The following GABRB1 variants were observed in gnomAD, a reference collection of about 807,000 sequenced individuals.
GABRB1 encodes gamma-aminobutyric acid receptor subunit beta-1.
Under a neutral mutation model 51.6 loss-of-function variants are expected in GABRB1, and 17 were observed. The ratio of observed to expected loss-of-function variants is 0.33; its 90% confidence interval spans 0.23 to 0.49. The LOEUF (loss-of-function observed/expected upper bound fraction) is 0.49, where lower values mean the gene tolerates loss of function less well. Among genes scored for constraint, GABRB1 ranks in the 20% least tolerant of loss-of-function variants. The probability of loss-of-function intolerance (pLI) is 0.99; values close to 1 mark genes in which losing one functional copy is unlikely to be tolerated. For missense variants in GABRB1, 410 were observed against 600.6 expected, an observed-to-expected ratio of 0.68 and a Z score of 3.32; for synonymous variants, 247 against 218.9, an observed-to-expected ratio of 1.13 and a Z score of -1.14.
At chr4:47,371,092 C>T (rs1197664756) in intron 5 of GABRB1, among the ~76,000 whole-genome samples, 1 of 114,626 alleles carries the variant, frequency 8.7e-6, no homozygotes, top group African/African-American at 3.4e-5. Context: ...CCCTCCCCCA[C>T]CCCCACCCTG....
chr4:47,252,226 G>C (rs144287070), intron 4 of GABRB1, among the ~76,000 whole-genome samples: 3 of 151,872 alleles, frequency 2.0e-5, no homozygotes, highest in South Asian at 4.1e-4. Context: ...TTTCTCTTGG[G>C]TCTCTAAATT....
chr4:47,089,173 G>T (rs113582261), intron 3 of GABRB1, among the ~76,000 whole-genome samples: 1 of 152,158 alleles, frequency 6.6e-6, no homozygotes, highest in East Asian at 1.9e-4. Flanking sequence ...AATGTTTTTC[G>T]TTTTGGGGAT....
At chr4:47,324,568 C>G (rs1465519514) in intron 5 of GABRB1, among the ~76,000 whole-genome samples, 1 of 152,176 alleles carries the variant, frequency 6.6e-6, no homozygotes, top group Admixed American at 6.5e-5. Context: ...TCCTTTCAAC[C>G]CACTGCAATC....
intron 3 of GABRB1, among the ~76,000 whole-genome samples, chr4:47,123,756 T>A (rs1301674789): frequency 2.2e-5 from 2 of 89,546 alleles, no homozygotes; most frequent in Non-Finnish European, 3.9e-5. Context: ...ATATAATATA[T>A]TATAATATAT....
At chr4:47,420,655 C>T (rs574031075) in intron 8 of GABRB1, among the ~76,000 whole-genome samples, 1 of 152,208 alleles carries the variant, frequency 6.6e-6, no homozygotes. Flanking sequence ...TTCTTGCTCC[C>T]TCTGATGATA....
chr4:47,279,081 G>T (rs1400584934), intron 4 of GABRB1, among the ~76,000 whole-genome samples: 2 of 128,492 alleles, frequency 1.6e-5, no homozygotes, highest in Non-Finnish European at 3.3e-5. Context: ...CTCTTTCTTA[G>T]GAATGGATGG....
At chr4:46,999,874 C>T (rs1384469247) in intron 1 of GABRB1, among the ~76,000 whole-genome samples, 2 of 152,140 alleles carry the variant, frequency 1.3e-5, no homozygotes, top group African/African-American at 4.8e-5. Context: ...CACATGGGAC[C>T]CATGAGGAGG....
chr4:47,111,307 A>G (rs1715199950), intron 3 of GABRB1, among the ~76,000 whole-genome samples: 1 of 152,124 alleles, frequency 6.6e-6, no homozygotes, highest in Admixed American at 6.5e-5. Flanking sequence ...GTGTCCAACT[A>G]AGGAATGTAA....
chr4:47,404,334 C>T (rs978679870), intron 7 of GABRB1, among the ~76,000 whole-genome samples: 15 of 152,062 alleles, frequency 9.9e-5, no homozygotes, highest in African/African-American at 3.6e-4. Context: ...TTGCTGAAAG[C>T]TGACAGGCTA....
At chr4:47,184,541 T>C (rs952781539) in intron 4 of GABRB1, among the ~76,000 whole-genome samples, 1 of 151,936 alleles carries the variant, frequency 6.6e-6, no homozygotes, top group Non-Finnish European at 1.5e-5. Context: ...AGCACTACAC[T>C]GAACTAATGT....
intron 1 of GABRB1, among the ~76,000 whole-genome samples, chr4:47,019,400 G>T (rs549687094): frequency 5.4e-4 from 82 of 151,678 alleles, no homozygotes; most frequent in South Asian, 1.9e-3. Flanking sequence ...CAATATTATT[G>T]AAATTATGCA....
At chr4:47,421,387 TA>T (rs1676223575) in intron 8 of GABRB1, among the ~76,000 whole-genome samples, 1 of 152,154 alleles carries the variant, frequency 6.6e-6, no homozygotes, top group Admixed American at 6.5e-5. Flanking sequence ...AACTTTTTTT[TA>T]CTTAGAGAGA....
intron 5 of GABRB1, among the ~76,000 whole-genome samples, chr4:47,369,554 C>T (rs931979705): frequency 3.1e-4 from 47 of 152,186 alleles, no homozygotes; most frequent in African/African-American, 8.2e-4. Flanking sequence ...ATTAAGCCAA[C>T]GGGCAAATCT....
intron 1 of GABRB1, among the ~76,000 whole-genome samples, chr4:47,016,824 A>G (rs948762029): frequency 1.3e-5 from 2 of 152,094 alleles, no homozygotes; most frequent in African/African-American, 4.8e-5. Context: ...TCCTGACTTC[A>G]GGTGATCCAC....
intron 5 of GABRB1, among the ~76,000 whole-genome samples, chr4:47,395,341 G>T (rs1728144946): frequency 6.6e-6 from 1 of 152,172 alleles, no homozygotes; most frequent in African/African-American, 2.4e-5. Flanking sequence ...AAGAAAGCGA[G>T]AGAGAGCAAA....
chr4:47,301,874 C>T (rs1724276315), intron 4 of GABRB1, among the ~76,000 whole-genome samples: 1 of 152,068 alleles, frequency 6.6e-6, no homozygotes, highest in African/African-American at 2.4e-5. Flanking sequence ...GCTTTTCTAT[C>T]ATTTTTAAAT....
chr4:47,185,085 A>G (rs531805973), intron 4 of GABRB1, among the ~76,000 whole-genome samples: 2 of 151,940 alleles, frequency 1.3e-5, no homozygotes, highest in East Asian at 1.9e-4. Context: ...ATTTACTTCT[A>G]TTGTGCCTCA....
At chr4:47,305,398 T>C (rs1724429115) in intron 4 of GABRB1, among the ~76,000 whole-genome samples, 1 of 152,136 alleles carries the variant, frequency 6.6e-6, no homozygotes, top group Admixed American at 6.6e-5. Flanking sequence ...AGTGGCATAA[T>C]TTTTTAATGA....
intron 3 of GABRB1, among the ~76,000 whole-genome samples, chr4:47,115,824 C>A (rs1334081655): frequency 6.6e-6 from 1 of 152,044 alleles, no homozygotes; most frequent in Non-Finnish European, 1.5e-5. Flanking sequence ...AAAATCTTTT[C>A]CATTTCTCAT....
Sources: gnomAD v4.1 joint callset for allele counts (sites outside exome capture counted in the v4.1 genomes callset) on GRCh38, gnomAD v4.1.1 for gene constraint, MANE v1.5 for transcripts, NCBI Gene and HGNC (gene_info 2026-07-23, HGNC 2026-07-21) for gene names.